Variants in CACNA1H observed in about 807,000 individuals in gnomAD.
CACNA1H encodes the protein voltage-dependent T-type calcium channel subunit alpha-1H.
CACNA1H carries 149 observed loss-of-function variants against 192.5 expected under a neutral mutation model. That is an observed-to-expected ratio of 0.77 (90% CI 0.68 to 0.89). The LOEUF is 0.89. Ranked by LOEUF, CACNA1H falls within the 40% of genes least tolerant of loss-of-function variation. The probability of loss-of-function intolerance (pLI) is 0.00; values close to 1 mark genes in which losing one functional copy is unlikely to be tolerated. For missense variants in CACNA1H, 4,257 were observed against 3,423.5 expected, an observed-to-expected ratio of 1.24 and a Z score of -6.08; for synonymous variants, 2,202 against 1,475.2, an observed-to-expected ratio of 1.49 and a Z score of -11.29.
At chr16:1,213,256 T>A (rs765710060) in intron 26 of CACNA1H, among the ~76,000 whole-genome samples, 1 of 152,178 alleles carries the variant, frequency 6.6e-6, no homozygotes, top group African/African-American at 2.4e-5. Context: ...CAGTGAGGCC[T>A]TGTGGGCCCA....
intron 2 of CACNA1H, among the ~76,000 whole-genome samples, chr16:1,155,125 T>A (rs148080136): frequency 6.6e-6 from 1 of 152,228 alleles, no homozygotes; most frequent in African/African-American, 2.4e-5. Context: ...AAGAGGAATC[T>A]GTACAAAAAA....
intron 14 of CACNA1H, 25 bp downstream of exon 14, chr16:1,207,455 C>A: frequency 6.2e-7 from 1 of 1,607,854 alleles, no homozygotes; most frequent in Non-Finnish European, 8.5e-7. Context: ...AGAGGGGCTG[C>A]CAGGAGGAGG....
At position 1,206,856 on chromosome 16, in the gene CACNA1H, C is replaced by G. The variant is rs1309225052; in HGVS notation, c.2790-145C>G. On this transcript the variant is annotated intron_variant, in intron 12 of 34. Coordinates refer to ENST00000348261, the MANE Select transcript of CACNA1H (RefSeq NM_021098.3). ...TTTTAAGCTAGAGAGCTCGGGCGCC[C>G]AGGGAGGGTAGGAGGCCAGGAGAGC... is the stretch of plus-strand genomic sequence containing the variant. 9 of 589,620 alleles carry G rather than the reference C, an allele frequency of 1.5e-5. No homozygotes were observed. The South Asian group carries it at 1.7e-4, about 11-fold the overall frequency. The allele number at this position is 589,620 out of a possible 1,614,324, so 36.5% of individuals were successfully genotyped here. A position where few individuals can be genotyped will look rare whatever the true frequency, so the allele number is the denominator to read the frequency against.
intron 2 of CACNA1H, among the ~76,000 whole-genome samples, chr16:1,171,418 C>T (rs888001255): frequency 2.0e-5 from 3 of 152,312 alleles, no homozygotes; most frequent in South Asian, 2.1e-4. Context: ...AGAGAACCCC[C>T]GCAGCCCACT....
intron 31 of CACNA1H, 140 bp from the exon 32 acceptor site, chr16:1,217,779 G>A (rs1418015621): frequency 1.2e-5 from 14 of 1,181,258 alleles, no homozygotes; most frequent in South Asian, 8.4e-5. Flanking sequence ...CAGGCAGGGC[G>A]AACCGCCAGG....
At chr16:1,215,114 G>A in intron 28 of CACNA1H, 33 bp downstream of exon 28, 1 of 1,592,410 alleles carries the variant, frequency 6.3e-7, no homozygotes, top group South Asian at 1.1e-5. Flanking sequence ...GGGTTCTGGG[G>A]GCCCCTCAGG....
intron 2 of CACNA1H, among the ~76,000 whole-genome samples, chr16:1,164,754 G>A (rs1474273901): frequency 2.0e-5 from 3 of 152,236 alleles, no homozygotes; most frequent in Admixed American, 6.5e-5. Context: ...GGGTTCTGTC[G>A]GTGGAGCTGG....
intron 14 of CACNA1H, 73 bp downstream of exon 14, chr16:1,207,503 G>C: frequency 1.3e-6 from 2 of 1,486,846 alleles, no homozygotes; most frequent in South Asian, 1.2e-5. Context: ...TCGAGGGGAG[G>C]GGTGTGGGGG....
Position 1,180,499 on chromosome 16 carries a change from G to T in CACNA1H, c.300-14473G>T, listed in dbSNP as rs373690375. Among the ~76,000 whole-genome samples, 110 of 152,206 alleles carry T rather than the reference G, an allele frequency of 7.2e-4. 1 individual carries two copies. The highest frequency in any genetic ancestry group is 2.6e-3 in the African/African-American group (108 of 41,536). On this transcript the variant is annotated intron_variant, in intron 2 of 34. Coordinates refer to ENST00000348261, the MANE Select transcript of CACNA1H (RefSeq NM_021098.3). The surrounding 1 kb of genome is among the most constrained non-coding windows in gnomAD (Gnocchi z 4.4). ...GTGGGCCTGTGTCCTGGTGTCCCTG[G>T]CGTCCCCATACCCCCTCCGAGGCAC...
Position 1,153,746 on chromosome 16 carries a change from G to A in CACNA1H, c.9G>A (p.Glu3=). Residue 3 remains glutamate, a synonymous_variant, in exon 2 of 35, where the codon GAG becomes GAA. Coordinates refer to ENST00000348261, the MANE Select transcript of CACNA1H (RefSeq NM_021098.3). ...TGCTGCCGGCCGCCACCATGACCGA[G>A]GGCGCACGGGCCGCCGACGAGGTCC... MT[E]GARAADEVRV... is the part of the protein sequence containing the mutation. 8.3e-7 allele frequency: 1 copy of A among 1,211,014 alleles called. No individual in the cohort carries two copies. The highest frequency in any genetic ancestry group is 1.0e-6 in the Non-Finnish European group (1 of 974,708). The allele number at this position is 1,211,014 out of a possible 1,614,324, so 75.0% of individuals were successfully genotyped here.
intron 14 of CACNA1H, 51 bp downstream of exon 14, chr16:1,207,481 A>G (rs1030490511): frequency 3.2e-6 from 5 of 1,582,346 alleles, no homozygotes; most frequent in South Asian, 1.1e-5. Context: ...GAGAAGAGAG[A>G]CGGGCTTCAG....
rs763018232 is a variant in CACNA1H at position 1,219,026 on chromosome 16, C to T, written c.5944C>T (p.Pro1982Ser). The change falls in exon 34 of 35, where the codon CCA becomes TCA. Residue 1982 changes from proline (P) to serine (S), a missense_variant. By Grantham distance (74) the Pro-to-Ser change is moderately conservative (BLOSUM62 -1). Coordinates refer to ENST00000348261, the MANE Select transcript of CACNA1H (RefSeq NM_021098.3). Reference sequence around the variant, plus strand: ...AGAGTCCTGTGCCTCCCTCCAGATCCCATTGGCTGTGTCGTCCCCAGCCAG... The same window carrying T: ...AGAGTCCTGTGCCTCCCTCCAGATCTCATTGGCTGTGTCGTCCCCAGCCAG... ...PAESCASLQI[P>S]LAVSSPARSG... 1 of 1,550,256 alleles carries T rather than the reference C, an allele frequency of 6.5e-7. No individual in the cohort carries two copies. The highest frequency in any genetic ancestry group is 8.7e-7 in the Non-Finnish European group (1 of 1,146,870).
chr16:1,215,334 C>A lies in CACNA1H; in HGVS notation c.5132C>A (p.Pro1711His). The stretch of plus-strand genomic sequence containing the variant: ...ATGAGCGCCGCGCTGCCCATCAACC[C>A]CACCATCATCCGCATCATGCGCGTG... Reference protein sequence around the residue: ...IEMSAALPINPTIIRIMRVLR... With the variant: ...IEMSAALPINHTIIRIMRVLR... The change falls in exon 29 of 35, where the codon CCC becomes CAC. Residue 1711 changes from proline to histidine, a missense_variant. Coordinates refer to ENST00000348261, the MANE Select transcript of CACNA1H (RefSeq NM_021098.3). 1.2e-6 allele frequency: 2 copies of A among 1,612,030 alleles called. No individual in the cohort carries two copies. Among genetic ancestry groups the A allele is most frequent in the Non-Finnish European group, 1.7e-6 (2 of 1,179,464 alleles).
chr16:1,203,964 C>A, intron 9 of CACNA1H, 46 bp from the exon 10 acceptor site: 1 of 1,412,474 alleles, frequency 7.1e-7, no homozygotes, highest in Non-Finnish European at 9.4e-7. Context: ...GCCCTTGTGG[C>A]AGCACCACTG....
At chr16:1,176,683 C>T (rs1007507136) in intron 2 of CACNA1H, among the ~76,000 whole-genome samples, 88 of 152,144 alleles carry the variant, frequency 5.8e-4, no homozygotes, top group East Asian at 5.8e-4. Flanking sequence ...GATGGGGGTC[C>T]GGGGGCCGGC....
intron 30 of CACNA1H, 101 bp from the exon 31 acceptor site, chr16:1,216,831 G>A (rs1385770182): frequency 2.2e-6 from 2 of 923,318 alleles, no homozygotes; most frequent in Admixed American, 2.0e-5. Context: ...GAAGAAGGTG[G>A]GCAGGTGGGG....
chr16:1,177,724 G>A (rs1289502761), intron 2 of CACNA1H, among the ~76,000 whole-genome samples: 1 of 151,932 alleles, frequency 6.6e-6, no homozygotes, highest in Non-Finnish European at 1.5e-5. Flanking sequence ...GCTCCACGGG[G>A]GCCACTTCTG....
intron 3 of CACNA1H, 29 bp from the exon 4 acceptor site, chr16:1,195,403 A>G (rs1227640633): frequency 7.7e-6 from 12 of 1,550,002 alleles, no homozygotes; most frequent in Non-Finnish European, 8.7e-6. Context: ...GAGCTGTTCC[A>G]CGGGCCCTCC....
intron 8 of CACNA1H, 115 bp downstream of exon 8, chr16:1,200,923 C>T: frequency 2.7e-6 from 2 of 747,880 alleles, no homozygotes; most frequent in South Asian, 1.6e-5. Context: ...CTGAAGGGAG[C>T]ACACAGGGGA....
Sources: allele counts gnomAD v4.1 joint callset (sites outside exome capture counted in the v4.1 genomes callset), GRCh38; gene constraint gnomAD v4.1.1; non-coding constraint Gnocchi (gnomAD v3.1); transcripts MANE v1.5; gene names NCBI Gene and HGNC (gene_info 2026-07-23, HGNC 2026-07-21).